The following AEBP1 variants were observed in gnomAD, a reference collection of about 807,000 sequenced individuals.
The protein encoded by AEBP1 is AE binding protein 1, also known as adipocyte enhancer-binding protein 1.
AEBP1 carries 69 observed loss-of-function variants against 116.5 expected under a neutral mutation model. The observed-to-expected ratio is 0.59, with a 90% CI of 0.49 to 0.72. The LOEUF is 0.72. Ranked by LOEUF, AEBP1 falls within the 30% of genes least tolerant of loss-of-function variation. The pLI is 0.00. For synonymous variants in AEBP1, 627 were observed against 627.3 expected (o/e 1.00, Z 0.01); for missense variants, 1,444 against 1,557.5 (o/e 0.93, Z 1.23).
rs760919744 is a variant in AEBP1 at position 44,111,579 on chromosome 7, C to T, written c.1789C>T (p.Leu597Phe). 4.1e-5 allele frequency: 66 copies of T among 1,613,136 alleles called. No homozygotes were observed. The East Asian group carries it at 1.4e-3, about 35-fold the overall frequency. ...CAGCCTGGGCAAGAGCTCACGAGGC[C>T]TCAAGATCTATGCCATGGAGATCTC... ...TYSLGKSSRG[L>F]KIYAMEISDN... Residue 597 changes from leucine to phenylalanine, a missense_variant, in exon 15 of 21, where the codon CTC becomes TTC. By Grantham distance (22) the Leu-to-Phe change is conservative. Coordinates refer to ENST00000223357, the MANE Select transcript of AEBP1 (RefSeq NM_001129.5). This position sits in a 1 kb window ranked among gnomAD's most constrained non-coding sequence, Gnocchi z 4.7.
chr7:44,110,983 T>G lies in AEBP1; in HGVS notation c.1556T>G (p.Phe519Cys). The change falls in exon 13 of 21, where the codon TTC (phenylalanine) becomes TGC (cysteine). Residue 519 changes from phenylalanine (F) to cysteine (C), a missense_variant. Phe to Cys is a radical substitution (Grantham distance 205). Transcript: ENST00000223357. The stretch of plus-strand genomic sequence containing the variant: ...CTCCCAGAGCCGGTGGTGGCTCGTT[T>G]CATCCGCATCTACCCACTCACCTGG... ...SELPEPVVAR[F>C]IRIYPLTWNG... The G allele has an allele frequency of 1.2e-6, 2 of 1,613,922 alleles. No homozygotes were observed. Among genetic ancestry groups the G allele is most frequent in the South Asian group, 2.2e-5 (2 of 91,084 alleles).
At position 44,107,503 on chromosome 7, in the gene AEBP1, C is replaced by G. The variant is rs762250650; in HGVS notation, c.660C>G (p.His220Gln). 2.5e-6 allele frequency: 4 copies of G among 1,613,454 alleles called. No individual in the cohort carries two copies. Among genetic ancestry groups the G allele is most frequent in the Non-Finnish European group, 2.5e-6 (3 of 1,179,986 alleles). ...AGACCCATGTGGAGGCACGGGAGCA[C>G]CAGCCTGGTGAGTGGCCGTCATCCG... The part of the protein sequence containing the change: ...GEETHVEARE[H>Q]QPEPEEETEQ... The change falls in exon 3 of 21, where the codon CAC becomes CAG. Residue 220 changes from histidine (H) to glutamine (Q), a missense_variant. Physicochemically the swap from His to Gln is conservative, Grantham distance 24. Transcript: ENST00000223357. The surrounding 1 kb of genome is among the most constrained non-coding windows in gnomAD (Gnocchi z 4.3).
At chr7:44,105,934 C>T (rs1045909175) in intron 1 of AEBP1, among the ~76,000 whole-genome samples, 2 of 152,158 alleles carry the variant, frequency 1.3e-5, no homozygotes, top group Admixed American at 6.5e-5. Context: ...AAGCTCCCTA[C>T]CTGTCTTTTC....
In AEBP1 at chr7:44,110,579, G is replaced by A. The variant is rs570133623; in HGVS notation, c.1401-146G>A. The A allele has an allele frequency of 4.2e-4, 405 of 962,482 alleles. 1 individual carries two copies. The African/African-American group carries it at 5.3e-3, about 13-fold the overall frequency. 59.6% of individuals were successfully genotyped at this position (962,482 alleles called of 1,614,324 possible). A position where few individuals can be genotyped will look rare whatever the true frequency, so the allele number is the denominator to read the frequency against. ...GATCACCTGCCCATGGCTATGTGAC[G>A]GGCATAGGACCCAGGCTCAACACCT... On this transcript the variant is annotated intron_variant, in intron 11 of 20. Coordinates refer to ENST00000223357, the MANE Select transcript of AEBP1 (RefSeq NM_001129.5).
In AEBP1 at chr7:44,104,780, G is replaced by C; in HGVS notation, c.115G>C (p.Glu39Gln). Residue 39 changes from glutamate (E) to glutamine (Q), a missense_variant, in exon 1 of 21, where the codon GAG (glutamate) becomes CAG (glutamine). By Grantham distance (29) the Glu-to-Gln change is conservative. Transcript: ENST00000223357. ...LTDDEIEEFL[E>Q]GFLSELEPEP... is the part of the protein sequence containing the mutation. ...CGACGACGAGATCGAGGAGTTCCTC[G>C]AGGGCTTCCTGTCAGAGCTAGAACC... 1 of 1,611,438 alleles carries C rather than the reference G, an allele frequency of 6.2e-7. No homozygotes were observed. Among genetic ancestry groups the C allele is most frequent in the Non-Finnish European group, 8.5e-7 (1 of 1,179,454 alleles).
In AEBP1 at chr7:44,113,362, T is replaced by A. The variant is rs767557028; in HGVS notation, c.2809+11T>A. On this transcript the variant is annotated intron_variant, in intron 20 of 20. Coordinates refer to ENST00000223357, the MANE Select transcript of AEBP1 (RefSeq NM_001129.5). This position sits in a 1 kb window ranked among gnomAD's most constrained non-coding sequence, Gnocchi z 5.3. ...ACGGCGTGAAGACAGGTACCTAGTG[T>A]GCACACCTTTACCCCATCTTTCTGA... 1.2e-6 allele frequency: 2 copies of A among 1,606,596 alleles called. No individual in the cohort carries two copies. The highest frequency in any genetic ancestry group is 1.7e-6 in the Non-Finnish European group (2 of 1,176,234).
Position 44,111,231 on chromosome 7 carries a change from A to G in AEBP1, c.1708A>G (p.Met570Val), listed in dbSNP as rs140411744. 9.0e-5 allele frequency: 137 copies of G among 1,514,394 alleles called. No homozygotes were observed. Among genetic ancestry groups the G allele is most frequent in the Non-Finnish European group, 1.2e-4 (135 of 1,130,880 alleles). 93.8% of individuals were successfully genotyped at this position (1,514,394 alleles called of 1,614,324 possible). A position where few individuals can be genotyped will look rare whatever the true frequency, so the allele number is the denominator to read the frequency against. Residue 570 changes from methionine to valine, a missense_variant, in exon 14 of 21, where the codon ATG becomes GTG. Transcript: ENST00000223357. The surrounding 1 kb of genome is among the most constrained non-coding windows in gnomAD (Gnocchi z 4.7). ...LDFRHHSYKD[M>V]RQLMKVVNEE... Reference sequence around the variant, plus strand: ...TTTCCGGCACCACAGCTACAAGGACATGCGCCAGGTTGGGAGCATATATCC... The same window carrying G: ...TTTCCGGCACCACAGCTACAAGGACGTGCGCCAGGTTGGGAGCATATATCC...
Position 44,114,473 on chromosome 7 carries a change from A to G in AEBP1, c.*212A>G. ...TGTAGAGGCTCCTGCTCCACCTGCC[A>G]GTCTCGTAAGAGATGGGGTTGCTGC... On this transcript the variant is annotated 3_prime_UTR_variant, in exon 21 of 21. Coordinates refer to ENST00000223357, the MANE Select transcript of AEBP1 (RefSeq NM_001129.5). The G allele has an allele frequency of 1.6e-6, 1 of 644,750 alleles. No homozygotes were observed. Among genetic ancestry groups the G allele is most frequent in the Non-Finnish European group, 2.6e-6 (1 of 378,938 alleles). 39.9% of individuals were successfully genotyped at this position (644,750 alleles called of 1,614,324 possible).
In AEBP1 at chr7:44,113,734, C is replaced by T; in HGVS notation, c.2950C>T (p.Arg984Cys). The T allele has an allele frequency of 6.2e-7, 1 of 1,614,098 alleles. No homozygotes were observed. The highest frequency in any genetic ancestry group is 8.5e-7 in the Non-Finnish European group (1 of 1,179,984). The change falls in exon 21 of 21, where the codon CGC becomes TGC. Residue 984 changes from arginine to cysteine, a missense_variant. Coordinates refer to ENST00000223357, the MANE Select transcript of AEBP1 (RefSeq NM_001129.5). The surrounding 1 kb of genome is among the most constrained non-coding windows in gnomAD (Gnocchi z 5.3). ...CACTCAGTGCAACTTCATCCTGGCTCGCTCCAACTGGAAGCGCATCCGGGA... is the reference window on the plus strand; with the variant it reads ...CACTCAGTGCAACTTCATCCTGGCTTGCTCCAACTGGAAGCGCATCCGGGA... ...GATQCNFILA[R>C]SNWKRIREIM...
chr7:44,104,861 G>C lies in AEBP1; in HGVS notation c.196G>C (p.Val66Leu). 6.4e-7 allele frequency: 1 copy of C among 1,572,068 alleles called. No homozygotes were observed. Among genetic ancestry groups the C allele is most frequent in the South Asian group, 1.2e-5 (1 of 86,438 alleles). Residue 66 changes from valine to leucine, a missense_variant, in exon 1 of 21, where the codon GTC becomes CTC. By Grantham distance (32) the Val-to-Leu change is conservative. Coordinates refer to ENST00000223357, the MANE Select transcript of AEBP1 (RefSeq NM_001129.5). ...APPPPEPTPR[V>L]RKAQAGGKPG... ...GCCGCCTCCCGAGCCCACCCCGCGG[G>C]TCCGAAAAGCCCAGGCGGGGGGCAA...
In AEBP1 at chr7:44,104,536, C is replaced by A; in HGVS notation, c.-130C>A. On this transcript the variant is annotated 5_prime_UTR_variant, in exon 1 of 21. Coordinates refer to ENST00000223357, the MANE Select transcript of AEBP1 (RefSeq NM_001129.5). The stretch of plus-strand genomic sequence containing the variant: ...CCTCCCTTTCCCGGATTCCCTCGCT[C>A]ACCCCATCCTCTCTCCCGCCCCTTC... The A allele has an allele frequency of 1.7e-6, 1 of 593,094 alleles. No individual in the cohort carries two copies. Among genetic ancestry groups the A allele is most frequent in the Non-Finnish European group, 2.7e-6 (1 of 370,812 alleles). 36.7% of individuals were successfully genotyped at this position (593,094 alleles called of 1,614,324 possible).
At chr7:44,106,927 G>A in intron 2 of AEBP1, 40 bp downstream of exon 2, 1 of 1,442,334 alleles carries the variant, frequency 6.9e-7, no homozygotes, top group Non-Finnish European at 9.2e-7. Context: ...GGCTCTGACT[G>A]CCTGCTCGGG....
rs757944511 is a variant in AEBP1, at chr7:44,111,506, G to C, written c.1717-1G>C. On this transcript the variant is annotated splice_acceptor_variant, in intron 14 of 20. Transcript: ENST00000223357. LOFTEE classifies it high-confidence loss of function. The surrounding 1 kb of genome is among the most constrained non-coding windows in gnomAD (Gnocchi z 4.7). Reference sequence around the variant, plus strand: ...TTCCACGTCCTCCCCCTCTGCCCCAGCTCATGAAGGTGGTGAACGAGGAGT... The same window carrying C: ...TTCCACGTCCTCCCCCTCTGCCCCACCTCATGAAGGTGGTGAACGAGGAGT... 2.5e-6 allele frequency: 4 copies of C among 1,582,856 alleles called. No homozygotes were observed. The highest frequency in any genetic ancestry group is 3.4e-6 in the Non-Finnish European group (4 of 1,164,840).
chr7:44,112,055 G>T lies in AEBP1; in HGVS notation c.2037+5G>T. The T allele has an allele frequency of 6.2e-7, 1 of 1,611,072 alleles. No homozygotes were observed. Among genetic ancestry groups the T allele is most frequent in the South Asian group, 1.1e-5 (1 of 91,046 alleles). On this transcript the variant is annotated splice_donor_5th_base_variant and intron_variant, in intron 16 of 20. Coordinates refer to ENST00000223357, the MANE Select transcript of AEBP1 (RefSeq NM_001129.5). The surrounding 1 kb of genome is among the most constrained non-coding windows in gnomAD (Gnocchi z 6.6). ...TACGAGGTGGCAGCGCAGATGGTGG[G>T]TTGAAGGGTGAGGCTGGCCAGGGTC... is the stretch of plus-strand genomic sequence containing the variant.
At position 44,109,124 on chromosome 7, in the gene AEBP1, G is replaced by A; in HGVS notation, c.1036G>A (p.Asp346Asn). The change falls in exon 8 of 21, where the codon GAC (aspartate) becomes AAC (asparagine). Residue 346 changes from aspartate (D) to asparagine (N), a missense_variant. Asp to Asn is a conservative substitution (Grantham distance 23). Coordinates refer to ENST00000223357, the MANE Select transcript of AEBP1 (RefSeq NM_001129.5). ...CCTTCCAGAGAAACCCAAAAAGGAG[G>A]ACAGCAGCCCCAAGGAGGAGACCGA... ...KEELKKPKKE[D>N]SSPKEETDKW... The A allele has an allele frequency of 6.2e-7, 1 of 1,613,626 alleles. No individual in the cohort carries two copies. The highest frequency in any genetic ancestry group is 1.1e-5 in the South Asian group (1 of 91,072).
At chr7:44,109,375 G>GGGGC in intron 9 of AEBP1, 34 bp downstream of exon 9, 1 of 752,346 alleles carries the variant, frequency 1.3e-6, no homozygotes, top group Non-Finnish European at 2.1e-6. Context: ...GAGGGTGGGG[G>GGGGC]CCACAGGATG....
At position 44,113,442 on chromosome 7, in the gene AEBP1, T is replaced by C; in HGVS notation, c.2809+91T>C. ...TGAGGAACTCAGCGAGCAGGTAGAG[T>C]CTGGGGAGCCTGGGGGCGAAATTCA... On this transcript the variant is annotated intron_variant, in intron 20 of 20. Coordinates refer to ENST00000223357, the MANE Select transcript of AEBP1 (RefSeq NM_001129.5). This position sits in a 1 kb window ranked among gnomAD's most constrained non-coding sequence, Gnocchi z 5.3. 7.5e-7 allele frequency: 1 copy of C among 1,331,970 alleles called. No homozygotes were observed. Among genetic ancestry groups the C allele is most frequent in the South Asian group, 1.3e-5 (1 of 76,596 alleles). 82.5% of individuals were successfully genotyped at this position (1,331,970 alleles called of 1,614,324 possible). A position where few individuals can be genotyped will look rare whatever the true frequency, so the allele number is the denominator to read the frequency against.
At position 44,113,927 on chromosome 7, in the gene AEBP1, C is replaced by A. The variant is rs2096233393; in HGVS notation, c.3143C>A (p.Thr1048Asn). The A allele has an allele frequency of 1.2e-6, 2 of 1,613,582 alleles. No homozygotes were observed. The highest frequency in any genetic ancestry group is 1.3e-5 in the African/African-American group (1 of 74,940). The change falls in exon 21 of 21, where the codon ACT becomes AAT. Residue 1048 changes from threonine (T) to asparagine (N), a missense_variant. Coordinates refer to ENST00000223357, the MANE Select transcript of AEBP1 (RefSeq NM_001129.5). This position sits in a 1 kb window ranked among gnomAD's most constrained non-coding sequence, Gnocchi z 5.3. ...LNATTTLGPH[T>N]VPPTLPPAPA... ...GCCACCACCACCCTAGGCCCCCACA[C>A]TGTGCCTCCCACGCTGCCCCCTGCC... is the stretch of plus-strand genomic sequence containing the variant.
At chr7:44,104,952 G>A in intron 1 of AEBP1, 34 bp downstream of exon 1, 3 of 1,484,276 alleles carry the variant, frequency 2.0e-6, no homozygotes, top group South Asian at 1.3e-5. Flanking sequence ...GGTGTGGGGG[G>A]CTGGCATCTC....
Sources: allele counts gnomAD v4.1 joint callset (sites outside exome capture counted in the v4.1 genomes callset), GRCh38; gene constraint gnomAD v4.1.1; non-coding constraint Gnocchi (gnomAD v3.1); transcripts MANE v1.5; gene names NCBI Gene and HGNC (gene_info 2026-07-23, HGNC 2026-07-21).